PDLIM5: variants seen among roughly 807,000 people sequenced by gnomAD.
PDLIM5 encodes the protein PDZ and LIM domain protein 5.
A neutral mutation model predicts 64.2 loss-of-function variants in PDLIM5; 34 were observed. That is an observed-to-expected ratio of 0.53 (90% CI 0.40 to 0.71). The LOEUF is 0.71. Ranked by LOEUF, PDLIM5 falls within the 30% of genes least tolerant of loss-of-function variation. The pLI, the probability that PDLIM5 is intolerant of heterozygous loss-of-function variation, is 0.00. For synonymous variants in PDLIM5, 253 were observed against 269.1 expected (o/e 0.94, Z 0.59); for missense variants, 683 against 733.6 (o/e 0.93, Z 0.80).
intron 2 of PDLIM5, among the ~76,000 whole-genome samples, chr4:94,502,885 A>G (rs1728056259): frequency 6.7e-6 from 1 of 150,082 alleles, no homozygotes; most frequent in South Asian, 2.2e-4. Context: ...TCATTAAAAG[A>G]AAAAAAAAAG....
intron 3 of PDLIM5, among the ~76,000 whole-genome samples, chr4:94,528,801 A>G (rs1186604339): frequency 1.3e-5 from 2 of 152,220 alleles, no homozygotes; most frequent in Non-Finnish European, 2.9e-5. Context: ...TTATAGGGAA[A>G]AATAAAGCAT....
At chr4:94,562,450 G>C (rs532295532) in intron 3 of PDLIM5, among the ~76,000 whole-genome samples, 1 of 152,308 alleles carries the variant, frequency 6.6e-6, no homozygotes, top group South Asian at 2.1e-4. Flanking sequence ...CAGTTTTCCA[G>C]GTCAGTGCTA....
chr4:94,544,322 G>A (rs1379645522), intron 3 of PDLIM5, among the ~76,000 whole-genome samples: 1 of 152,012 alleles, frequency 6.6e-6, no homozygotes, highest in Non-Finnish European at 1.5e-5. Context: ...ATATGGTCTG[G>A]GTATTGGGAT....
chr4:94,513,274 A>T (rs1310733385), intron 2 of PDLIM5, among the ~76,000 whole-genome samples: 1 of 152,126 alleles, frequency 6.6e-6, no homozygotes, highest in Non-Finnish European at 1.5e-5. Flanking sequence ...GAAGAATGTC[A>T]TTGGTATTTT....
intron 8 of PDLIM5, among the ~76,000 whole-genome samples, chr4:94,633,854 A>G (rs1222933198): frequency 3.9e-5 from 6 of 152,200 alleles, no homozygotes; most frequent in African/African-American, 9.7e-5. Flanking sequence ...ATGGTCCAGG[A>G]AAGCTACATT....
At chr4:94,474,158 T>C (rs1351063578) in intron 2 of PDLIM5, among the ~76,000 whole-genome samples, 1 of 152,222 alleles carries the variant, frequency 6.6e-6, no homozygotes, top group Non-Finnish European at 1.5e-5. Flanking sequence ...TGAAATTGCT[T>C]TTTAAATTTT....
chr4:94,528,530 T>A (rs1429394644), intron 3 of PDLIM5, among the ~76,000 whole-genome samples: 1 of 152,202 alleles, frequency 6.6e-6, no homozygotes, highest in Non-Finnish European at 1.5e-5. Flanking sequence ...TATTTGTATT[T>A]GATAGCATCT....
At chr4:94,604,721 G>A (rs932675366) in intron 7 of PDLIM5, among the ~76,000 whole-genome samples, 2 of 152,134 alleles carry the variant, frequency 1.3e-5, no homozygotes, top group African/African-American at 4.8e-5. Flanking sequence ...AGGGGTAGTT[G>A]TTCAATGGGT....
chr4:94,651,641 CT>C (rs1259134933), intron 9 of PDLIM5, among the ~76,000 whole-genome samples: 2 of 152,178 alleles, frequency 1.3e-5, no homozygotes, highest in African/African-American at 4.8e-5. Flanking sequence ...GTAAATCTGG[CT>C]TTAGGCCTTC....
At chr4:94,600,819 A>G (rs1024628478) in intron 7 of PDLIM5, among the ~76,000 whole-genome samples, 2 of 152,312 alleles carry the variant, frequency 1.3e-5, no homozygotes, top group Admixed American at 6.5e-5. Flanking sequence ...TAAAATCTTC[A>G]TATTATATTT....
In PDLIM5 at chr4:94,561,229, G is replaced by A. The variant is rs76932646; in HGVS notation, c.249-12122G>A. Among the ~76,000 whole-genome samples the A allele has an allele frequency of 9.5e-3, 1,446 of 152,286 alleles. 33 individuals carry two copies. Among genetic ancestry groups the A allele is most frequent in the African/African-American group, 0.032 (1,324 of 41,544 alleles). The stretch of plus-strand genomic sequence containing the variant: ...ACTGCATGATACAGGCTGTGTGATA[G>A]TGGTATTATTCAAGTTCCCTTGAGC... On this transcript the variant is annotated intron_variant, in intron 3 of 12. Transcript: ENST00000317968.
At chr4:94,542,346 A>G (rs1731895724) in intron 3 of PDLIM5, among the ~76,000 whole-genome samples, 1 of 152,124 alleles carries the variant, frequency 6.6e-6, no homozygotes, top group South Asian at 2.1e-4. Flanking sequence ...TAAGTAAGTA[A>G]GTAAGTGGTC....
intron 7 of PDLIM5, among the ~76,000 whole-genome samples, chr4:94,616,946 C>T (rs1192807523): frequency 6.6e-6 from 1 of 152,192 alleles, no homozygotes; most frequent in Non-Finnish European, 1.5e-5. Flanking sequence ...AAAGAATACA[C>T]AGCAAGATTA....
intron 3 of PDLIM5, among the ~76,000 whole-genome samples, chr4:94,543,818 GTGTGTGTGTGTGTGTGT>G (rs1354769160): frequency 7.0e-5 from 9 of 128,230 alleles, no homozygotes; most frequent in Admixed American, 7.1e-5. Flanking sequence ...GTGTGTGTGT[GTGTGTGTGTGTGTGTGT>G]TTTCTTTATC....
At chr4:94,592,711 C>T (rs572448393) in intron 7 of PDLIM5, among the ~76,000 whole-genome samples, 10 of 152,226 alleles carry the variant, frequency 6.6e-5, no homozygotes, top group African/African-American at 2.4e-4. Flanking sequence ...CACTGCACCT[C>T]GACCTCCCAG....
chr4:94,550,484 G>C (rs1364171258), intron 3 of PDLIM5, among the ~76,000 whole-genome samples: 1 of 152,194 alleles, frequency 6.6e-6, no homozygotes, highest in Non-Finnish European at 1.5e-5. Flanking sequence ...AAAGATGCAA[G>C]CAAACAGTGT....
rs1723790057 is a variant in PDLIM5 at position 94,460,621 on chromosome 4, AAAAAAAAAAAAG to A, written c.96+5250_96+5261del. On this transcript the variant is annotated intron_variant, in intron 2 of 12. Transcript: ENST00000317968. ...GTGCCACAGAACCAGACCCTGTCTC[AAAAAAAAAAAAG>A]AAAAAAAAAAAGGTAAGAATAGCAC... 2.2e-5 allele frequency among the ~76,000 whole-genome samples: 3 copies of A among 138,270 alleles called. No homozygotes were observed. The South Asian group carries it at 6.6e-4, about 30-fold the overall frequency. 90.7% of individuals were successfully genotyped at this position (138,270 alleles called of 152,430 possible).
chr4:94,523,807 A>T lies in PDLIM5; in HGVS notation c.180A>T (p.Gly60=), dbSNP rs1250996228. 2 of 1,612,188 alleles carry T rather than the reference A, an allele frequency of 1.2e-6. No individual in the cohort carries two copies. Among genetic ancestry groups the T allele is most frequent in the Non-Finnish European group, 1.7e-6 (2 of 1,178,356 alleles). ...GCATTGATGGAATAAATGCACAAGG[A>T]ATGACTCATCTTGAAGCCCAGAATA... The part of the protein sequence containing the change: ...VLSIDGINAQ[G]MTHLEAQNKI... The change falls in exon 3 of 13, where the codon GGA becomes GGT. Residue 60 remains glycine (G), a synonymous_variant. Coordinates refer to ENST00000317968, the MANE Select transcript of PDLIM5 (RefSeq NM_006457.5).
intron 7 of PDLIM5, among the ~76,000 whole-genome samples, chr4:94,594,915 C>T (rs1736950005): frequency 6.6e-6 from 1 of 152,126 alleles, no homozygotes; most frequent in Non-Finnish European, 1.5e-5. Context: ...CTAAAAAGAA[C>T]TACCTGAGAC....
Sources: gnomAD v4.1 joint callset for allele counts (sites outside exome capture counted in the v4.1 genomes callset) on GRCh38, gnomAD v4.1.1 for gene constraint, MANE v1.5 for transcripts, NCBI Gene and HGNC (gene_info 2026-07-23, HGNC 2026-07-21) for gene names.